GRIK2: variants seen among roughly 807,000 people sequenced by gnomAD.
GRIK2 encodes the protein glutamate ionotropic receptor kainate type subunit 2, also known as glutamate receptor ionotropic, kainate 2.
GRIK2 carries 32 observed loss-of-function variants against 100.3 expected under a neutral mutation model. That is an observed-to-expected ratio of 0.32 (90% CI 0.24 to 0.43). GRIK2 has a LOEUF of 0.43. Ranked by LOEUF, GRIK2 falls within the 20% of genes least tolerant of loss-of-function variation. GRIK2 has a pLI of 1.00. For synonymous variants in GRIK2, 417 were observed against 389.4 expected, an observed-to-expected ratio of 1.07 and a Z score of -0.83; for missense variants, 843 against 1,114.9, an observed-to-expected ratio of 0.76 and a Z score of 3.47.
chr6:101,547,397 C>T (rs1395846770), intron 2 of GRIK2, among the ~76,000 whole-genome samples: 2 of 152,018 alleles, frequency 1.3e-5, no homozygotes, highest in Admixed American at 6.6e-5. Context: ...TATACATGTG[C>T]CATGTTGGTG....
At chr6:101,625,387 T>C (rs987660086) in intron 3 of GRIK2, among the ~76,000 whole-genome samples, 1 of 145,632 alleles carries the variant, frequency 6.9e-6, no homozygotes, top group Admixed American at 6.8e-5. Context: ...AAATAAATAA[T>C]AAATAAATAA....
intron 2 of GRIK2, among the ~76,000 whole-genome samples, chr6:101,510,564 C>G (rs1175240945): frequency 8.6e-6 from 1 of 116,012 alleles, no homozygotes; most frequent in Non-Finnish European, 1.6e-5. Flanking sequence ...ACACTGTAGG[C>G]TGGGCTGGAG....
intron 5 of GRIK2, among the ~76,000 whole-genome samples, chr6:101,677,783 A>G (rs1770949366): frequency 6.6e-6 from 1 of 152,164 alleles, no homozygotes; most frequent in African/African-American, 2.4e-5. Context: ...TTCAGATGTC[A>G]AATTATATCC....
chr6:102,058,774 C>G (rs886207941), intron 16 of GRIK2, among the ~76,000 whole-genome samples: 1 of 151,312 alleles, frequency 6.6e-6, no homozygotes, highest in Non-Finnish European at 1.5e-5. Context: ...CCATTATTTA[C>G]TCAATAAATA....
intron 7 of GRIK2, among the ~76,000 whole-genome samples, chr6:101,793,262 C>G (rs527728684): frequency 1.3e-5 from 2 of 152,298 alleles, no homozygotes; most frequent in East Asian, 3.9e-4. Flanking sequence ...GAACTGCGTT[C>G]CTTTGGAGGA....
chr6:101,408,125 C>T (rs948091322), intron 2 of GRIK2, among the ~76,000 whole-genome samples: 2 of 152,038 alleles, frequency 1.3e-5, no homozygotes, highest in African/African-American at 4.8e-5. Context: ...CACTGGAAAG[C>T]AATTGAAAAT....
chr6:101,890,936 A>G (rs1383022371), intron 12 of GRIK2, among the ~76,000 whole-genome samples: 1 of 151,012 alleles, frequency 6.6e-6, no homozygotes, highest in Non-Finnish European at 1.5e-5. Flanking sequence ...AGAATTCTAC[A>G]CATAATTTTT....
chr6:101,851,182 T>A (rs1333788701), intron 10 of GRIK2, among the ~76,000 whole-genome samples: 1 of 152,050 alleles, frequency 6.6e-6, no homozygotes, highest in Non-Finnish European at 1.5e-5. Context: ...CTAAGTAGGT[T>A]TTTTAATCTC....
intron 12 of GRIK2, among the ~76,000 whole-genome samples, chr6:101,916,721 C>G (rs1385878410): frequency 6.6e-6 from 1 of 151,516 alleles, no homozygotes; most frequent in Admixed American, 6.6e-5. Context: ...TAATAGTTTT[C>G]TTAAGTCATT....
chr6:101,608,813 GTATGTATGTA>G (rs760746136), intron 2 of GRIK2, among the ~76,000 whole-genome samples: 2 of 110,576 alleles, frequency 1.8e-5, no homozygotes, highest in African/African-American at 3.2e-5. Context: ...GTGTGTGTGT[GTATGTATGTA>G]TGTGTGTGTG....
chr6:102,003,468 A>G lies in GRIK2; in HGVS notation c.2086-31873A>G, dbSNP rs552835399. ...TATAAATTTCTTGATTGTAATAAACATACTACAATCATTTTAAAACTTTGT... is the reference window on the plus strand; with the variant it reads ...TATAAATTTCTTGATTGTAATAAACGTACTACAATCATTTTAAAACTTTGT... On this transcript the variant is annotated intron_variant, in intron 14 of 16. Transcript: ENST00000369134. Among the ~76,000 whole-genome samples, 3 of 151,916 alleles carry G rather than the reference A, an allele frequency of 2.0e-5. No individual in the cohort carries two copies. In the South Asian group the frequency reaches 6.2e-4, roughly 31 times the overall value.
chr6:101,645,588 C>T (rs1781488630), intron 4 of GRIK2, among the ~76,000 whole-genome samples: 1 of 151,846 alleles, frequency 6.6e-6, no homozygotes, highest in Non-Finnish European at 1.5e-5. Flanking sequence ...TTTTGTTCAA[C>T]AAAACTAAAG....
chr6:101,624,501 T>C (rs991231838), intron 3 of GRIK2, among the ~76,000 whole-genome samples: 17 of 152,200 alleles, frequency 1.1e-4, no homozygotes, highest in Non-Finnish European at 2.4e-4. Context: ...TACTTAATTA[T>C]TAAATATTTC....
chr6:101,588,656 A>ACACATG (rs1778490820), intron 2 of GRIK2, among the ~76,000 whole-genome samples: 1 of 143,130 alleles, frequency 7.0e-6, no homozygotes, highest in Non-Finnish European at 1.5e-5. Context: ...ACTGCATGAC[A>ACACATG]CACACGCACA....
At chr6:101,609,266 A>G (rs676125) in intron 2 of GRIK2, among the ~76,000 whole-genome samples, 3,927 of 151,806 alleles carry the variant, frequency 0.026, 172 homozygotes, top group African/African-American at 0.09. Context: ...TTTCTACAAT[A>G]TTTTCTTCCC....
intron 7 of GRIK2, among the ~76,000 whole-genome samples, chr6:101,797,497 A>C (rs923729706): frequency 1.4e-4 from 21 of 150,634 alleles, no homozygotes; most frequent in Admixed American, 2.7e-4. Context: ...TCAGAGAATA[A>C]AGTAAATATA....
intron 2 of GRIK2, among the ~76,000 whole-genome samples, chr6:101,558,413 T>C (rs1274606041): frequency 6.6e-6 from 1 of 151,458 alleles, no homozygotes; most frequent in East Asian, 1.9e-4. Context: ...GGGCAAAGAG[T>C]GGAGAAACTT....
chr6:101,395,483 A>C (rs1236429244), intron 1 of GRIK2, among the ~76,000 whole-genome samples: 2 of 152,166 alleles, frequency 1.3e-5, no homozygotes, highest in African/African-American at 4.8e-5. Flanking sequence ...AGGTATAGGC[A>C]TTGTCTTTTT....
chr6:101,484,993 A>G (rs1383552516), intron 2 of GRIK2, among the ~76,000 whole-genome samples: 1 of 152,174 alleles, frequency 6.6e-6, no homozygotes, highest in Non-Finnish European at 1.5e-5. Flanking sequence ...TCATAATTCA[A>G]TTGAAACACA....
Sources: gnomAD v4.1 joint callset for allele counts (sites outside exome capture counted in the v4.1 genomes callset) on GRCh38, gnomAD v4.1.1 for gene constraint, MANE v1.5 for transcripts, NCBI Gene and HGNC (gene_info 2026-07-23, HGNC 2026-07-21) for gene names.